ODR4: variants seen among roughly 807,000 people sequenced by gnomAD.
ODR4 encodes odr-4 GPCR localization factor homolog.
ODR4 carries 47 observed loss-of-function variants against 60.2 expected under a neutral mutation model. That is an observed-to-expected ratio of 0.78 (90% CI 0.62 to 1.00). The LOEUF (loss-of-function observed/expected upper bound fraction) is 1.00. Ranked by LOEUF, ODR4 falls within the 50% of genes least tolerant of loss-of-function variation. ODR4 has a pLI of 0.00. For synonymous variants in ODR4, 178 were observed against 175.5 expected (o/e 1.01, Z -0.11); for missense variants, 488 against 530.8 (o/e 0.92, Z 0.79).
At position 186,414,522 on chromosome 1, in the gene ODR4, A is replaced by C. The variant is rs59166376; in HGVS notation, c.1187-3022A>C. On this transcript the variant is annotated intron_variant, in intron 12 of 13. Transcript: ENST00000287859. ...CCAAATATGGGGGAAAAAAACAAAA[A>C]CCTTTTTTTTTTTTTTTGAGACAGT... is the stretch of plus-strand genomic sequence containing the variant. Among the ~76,000 whole-genome samples, 9 of 150,500 alleles carry C rather than the reference A, an allele frequency of 6.0e-5. No homozygotes were observed. The South Asian group carries it at 1.3e-3, about 21-fold the overall frequency.
At chr1:186,426,909 A>G in the ODR4 span, among the ~76,000 whole-genome samples, 5 of 152,166 alleles carry the variant, frequency 3.3e-5, no homozygotes, top group Non-Finnish European at 5.9e-5. Flanking sequence ...GTAGTCTAGT[A>G]AGTGCACAAT....
At chr1:186,389,531 ATTC>A in intron 5 of ODR4, 54 bp from the exon 6 acceptor site, 1 of 1,322,720 alleles carries the variant, frequency 7.6e-7, no homozygotes, top group South Asian at 1.3e-5. Flanking sequence ...GATAGTTTAT[ATTC>A]TTTTAGTTAC....
At position 186,419,105 on chromosome 1, in the gene ODR4, C is replaced by T. The variant is rs1446975985; in HGVS notation, c.*29C>T. 1.3e-6 allele frequency: 2 copies of T among 1,556,522 alleles called. No homozygotes were observed. The highest frequency in any genetic ancestry group is 1.3e-5 in the African/African-American group (1 of 74,078). ...GAGGCACAAAGAGTTTCTTGATCAT[C>T]CAGAGAACATTGACAGACAATTATG... On this transcript the variant is annotated 3_prime_UTR_variant, in exon 14 of 14. Coordinates refer to ENST00000287859, the MANE Select transcript of ODR4 (RefSeq NM_017847.6).
Position 186,390,736 on chromosome 1 carries a change from A to G in ODR4, c.500A>G (p.Lys167Arg), listed in dbSNP as rs139232938. Residue 167 changes from lysine to arginine, a missense_variant, in exon 7 of 14, where the codon AAG (lysine) becomes AGG (arginine). Transcript: ENST00000287859. ...AGTTCAGCAAGACCAGCAGATTGGA[A>G]GTATCAAAGTGGATTATCATCCTCA... ...PKSSARPADWKYQSGLSSSWL... is the reference protein window; with the variant it reads ...PKSSARPADWRYQSGLSSSWL... 1.8e-5 allele frequency: 29 copies of G among 1,613,568 alleles called. No individual in the cohort carries two copies. In the East Asian group the frequency reaches 5.8e-4, roughly 32 times the overall value.
intron 4 of ODR4, among the ~76,000 whole-genome samples, chr1:186,386,415 G>A (rs1660252790): frequency 6.6e-6 from 1 of 152,030 alleles, no homozygotes; most frequent in Non-Finnish European, 1.5e-5. Context: ...AAGTTAAAAA[G>A]TTAAATTATT....
At chr1:186,378,338 T>C (rs898681047) in intron 1 of ODR4, among the ~76,000 whole-genome samples, 2 of 152,242 alleles carry the variant, frequency 1.3e-5, no homozygotes, top group Non-Finnish European at 2.9e-5. Flanking sequence ...TTCAAAATAC[T>C]GTAACTGTGT....
chr1:186,417,184 A>G (rs1387457832), intron 12 of ODR4, among the ~76,000 whole-genome samples: 1 of 151,764 alleles, frequency 6.6e-6, no homozygotes, highest in African/African-American at 2.4e-5. Context: ...GCTGGTCTTG[A>G]ACTCCTGAGC....
the ODR4 span, among the ~76,000 whole-genome samples, chr1:186,434,526 A>G: frequency 3.9e-5 from 6 of 152,208 alleles, no homozygotes; most frequent in African/African-American, 1.4e-4. Flanking sequence ...AGAAAGCCAA[A>G]TGGAGGTTTA....
intron 12 of ODR4, among the ~76,000 whole-genome samples, chr1:186,407,398 G>A (rs1026116703): frequency 3.3e-5 from 5 of 152,048 alleles, no homozygotes; most frequent in Admixed American, 6.6e-5. Context: ...CTCTGCCAAC[G>A]AAACTTAGGA....
the ODR4 span, among the ~76,000 whole-genome samples, chr1:186,427,359 A>G: frequency 6.6e-6 from 1 of 152,212 alleles, no homozygotes; most frequent in Non-Finnish European, 1.5e-5. Flanking sequence ...TGTTCACAGC[A>G]TCTTTGCCAG....
chr1:186,394,585 T>C, intron 9 of ODR4, among the ~76,000 whole-genome samples: 1 of 152,210 alleles, frequency 6.6e-6, no homozygotes, highest in East Asian at 1.9e-4. Flanking sequence ...TAATCCTACT[T>C]GAAATTATCC....
chr1:186,413,596 T>G (rs1661449758), intron 12 of ODR4, among the ~76,000 whole-genome samples: 2 of 152,168 alleles, frequency 1.3e-5, no homozygotes, highest in Admixed American at 1.3e-4. Context: ...CTAAAAAAAT[T>G]TGAAGTCATA....
chr1:186,394,076 T>G, intron 9 of ODR4, 61 bp downstream of exon 9: 1 of 985,032 alleles, frequency 1.0e-6, no homozygotes, highest in Non-Finnish European at 1.5e-6. Context: ...AAACTGTTTC[T>G]GTTTTTATTT....
chr1:186,433,973 A>G, the ODR4 span, among the ~76,000 whole-genome samples: 5 of 152,306 alleles, frequency 3.3e-5, no homozygotes, highest in Non-Finnish European at 7.4e-5. Context: ...GCGATCTAGC[A>G]AAGGTTCAAA....
intron 11 of ODR4, chr1:186,401,235 T>G (rs1054638826): frequency 2.8e-6 from 4 of 1,409,936 alleles, no homozygotes; most frequent in Non-Finnish European, 3.9e-6. Context: ...GCAGTTGTAC[T>G]GTTTGTATGT....
intron 13 of ODR4, among the ~76,000 whole-genome samples, chr1:186,418,352 G>A (rs865841411): frequency 4.1e-5 from 6 of 146,116 alleles, no homozygotes; most frequent in African/African-American, 1.0e-4. Flanking sequence ...GTGCAGTGGC[G>A]CAATCTCGGC....
At chr1:186,404,711 A>G (rs1453240159) in intron 11 of ODR4, among the ~76,000 whole-genome samples, 1 of 152,212 alleles carries the variant, frequency 6.6e-6, no homozygotes, top group Admixed American at 6.5e-5. Flanking sequence ...TCTGGAAGGA[A>G]CACGTAGTTT....
rs564588015 is a variant in ODR4 at position 186,409,158 on chromosome 1, C to T, written c.1186+2890C>T. Among the ~76,000 whole-genome samples, 122 of 150,282 alleles carry T rather than the reference C, an allele frequency of 8.1e-4. 1 individual carries two copies. The highest frequency in any genetic ancestry group is 2.6e-3 in the African/African-American group (107 of 40,852). On this transcript the variant is annotated intron_variant, in intron 12 of 13. Transcript: ENST00000287859. ...CAATGGGCCGTGTTTACACCACTGC[C>T]GTTCAGCCTGGGTGACAGAGTAGGA...
chr1:186,417,471 A>G, intron 12 of ODR4, 73 bp from the exon 13 acceptor site: 2 of 810,126 alleles, frequency 2.5e-6, no homozygotes, highest in Non-Finnish European at 4.0e-6. Context: ...GTTTTTTATA[A>G]TGTTCTTTAA....
Sources: gnomAD v4.1 joint callset for allele counts (sites outside exome capture counted in the v4.1 genomes callset) on GRCh38, gnomAD v4.1.1 for gene constraint, MANE v1.5 for transcripts, NCBI Gene and HGNC (gene_info 2026-07-23, HGNC 2026-07-21) for gene names.